TICAM2: variants seen among roughly 807,000 people sequenced by gnomAD.
TICAM2 encodes TIR domain containing adaptor molecule 2.
Under a neutral mutation model 7.3 loss-of-function variants are expected in TICAM2, and 8 were observed. The ratio of observed to expected loss-of-function variants is 1.10; its 90% confidence interval spans 0.65 to 1.99. The LOEUF (loss-of-function observed/expected upper bound fraction) is 1.99. Among genes scored for constraint, TICAM2 ranks in the 30% most tolerant of loss-of-function variants. The probability of loss-of-function intolerance (pLI) is 0.00; values close to 1 mark genes in which losing one functional copy is unlikely to be tolerated. For missense variants in TICAM2, 304 were observed against 278.8 expected (o/e 1.09, Z -0.65); for synonymous variants, 113 against 99.6 (o/e 1.13, Z -0.80).
intron 1 of TICAM2, among the ~76,000 whole-genome samples, chr5:115,588,730 T>A (rs967692241): frequency 4.6e-5 from 7 of 152,224 alleles, no homozygotes; most frequent in African/African-American, 1.7e-4. Flanking sequence ...CAGCATCAGA[T>A]GTACTTACAC....
intron 1 of TICAM2, among the ~76,000 whole-genome samples, chr5:115,589,829 G>A (rs1646735410): frequency 6.6e-6 from 1 of 152,160 alleles, no homozygotes; most frequent in South Asian, 2.1e-4. Context: ...TATCCCCAGA[G>A]CCTAGCATAT....
At chr5:115,601,815 C>T (rs1032033688) in intron 1 of TICAM2, among the ~76,000 whole-genome samples, 1 of 152,184 alleles carries the variant, frequency 6.6e-6, no homozygotes, top group Non-Finnish European at 1.5e-5. Context: ...GGGCTATTTG[C>T]TTATGGTTCT....
Position 115,580,311 on chromosome 5 carries a change from A to T in TICAM2, c.*238T>A. On this transcript the variant is annotated 3_prime_UTR_variant, in exon 2 of 2. Transcript: ENST00000427199. ...AATTCCTTTTTCATATCCATGAACT[A>T]GGAAAATTGTGAAAGAAAAGTCCTT... The T allele has an allele frequency of 2.1e-6, 1 of 465,718 alleles. No individual in the cohort carries two copies. The highest frequency in any genetic ancestry group is 3.5e-6 in the Non-Finnish European group (1 of 289,004). 28.8% of individuals were successfully genotyped at this position (465,718 alleles called of 1,614,324 possible). A position where few individuals can be genotyped will look rare whatever the true frequency, so the allele number is the denominator to read the frequency against.
chr5:115,590,333 A>G (rs1478631517), intron 1 of TICAM2, among the ~76,000 whole-genome samples: 2 of 152,216 alleles, frequency 1.3e-5, no homozygotes, highest in Non-Finnish European at 2.9e-5. Flanking sequence ...TTACGTGAAT[A>G]TAAATATGAC....
chr5:115,597,779 C>A (rs544380461), intron 1 of TICAM2, among the ~76,000 whole-genome samples: 1 of 152,254 alleles, frequency 6.6e-6, no homozygotes, highest in African/African-American at 2.4e-5. Context: ...GCAGAGCCTG[C>A]GTATACAAAA....
chr5:115,580,950 C>A lies in TICAM2; in HGVS notation c.307G>T (p.Asp103Tyr). ...ATTATTCCGGGTTTGATACCAAAGTCATCTTGTAGCAGATTCTGGACTCTG... is the reference window on the plus strand; with the variant it reads ...ATTATTCCGGGTTTGATACCAAAGTAATCTTGTAGCAGATTCTGGACTCTG... The part of the protein sequence containing the change: ...ALRVQNLLQD[D>Y]FGIKPGIIFA... The change falls in exon 2 of 2, where the codon GAC (aspartate) becomes TAC (tyrosine). Residue 103 changes from aspartate (D) to tyrosine (Y), a missense_variant. By Grantham distance (160) the Asp-to-Tyr change is radical. Transcript: ENST00000427199. 6.2e-7 allele frequency: 1 copy of A among 1,613,306 alleles called. No individual in the cohort carries two copies. Among genetic ancestry groups the A allele is most frequent in the Non-Finnish European group, 8.5e-7 (1 of 1,179,492 alleles).
Position 115,579,557 on chromosome 5 carries a change from C to T in TICAM2, c.*992G>A, listed in dbSNP as rs548832126. On this transcript the variant is annotated 3_prime_UTR_variant, in exon 2 of 2. Transcript: ENST00000427199. ...AGGAAAGAAACAATCCTGTTTGGGG[C>T]CTCTCTGGCTTGTTAGGAGCATGGG... 6 of 152,280 alleles carry T rather than the reference C, an allele frequency of 3.9e-5. No homozygotes were observed. Among genetic ancestry groups the T allele is most frequent in the African/African-American group, 1.2e-4 (5 of 41,544 alleles). The allele number at this position is 152,280 out of a possible 1,614,324, so 9.4% of individuals were successfully genotyped here.
rs1561572126 is a variant in TICAM2 at position 115,580,691 on chromosome 5, AG to A, written c.565del (p.Leu189SerfsTer7). The A allele has an allele frequency of 6.3e-7, 1 of 1,592,810 alleles. No individual in the cohort carries two copies. The highest frequency in any genetic ancestry group is 8.5e-7 in the Non-Finnish European group (1 of 1,172,428). ...TTCCTCTAAGGCATTGATGGTTTGG[AG>A]GGCAAAGGGAGTCCTTTCTCGGGGA... is the stretch of plus-strand genomic sequence containing the variant. ...PLPRERTPFA[L>X]QTINALEEES... On this transcript the variant is annotated frameshift_variant, in exon 2 of 2. Coordinates refer to ENST00000427199, the MANE Select transcript of TICAM2 (RefSeq NM_021649.7). LOFTEE classifies it low-confidence loss of function (END_TRUNC).
intron 1 of TICAM2, among the ~76,000 whole-genome samples, chr5:115,593,754 T>C (rs775816100): frequency 1.2e-4 from 18 of 152,198 alleles, no homozygotes; most frequent in Non-Finnish European, 2.4e-4. Context: ...ACTTGTTCTA[T>C]TGGGCATCAA....
In TICAM2 at chr5:115,581,118, C is replaced by T; in HGVS notation, c.139G>A (p.Glu47Lys). The T allele has an allele frequency of 6.2e-7, 1 of 1,614,140 alleles. No homozygotes were observed. The highest frequency in any genetic ancestry group is 8.5e-7 in the Non-Finnish European group (1 of 1,180,026). The change falls in exon 2 of 2, where the codon GAG (glutamate) becomes AAG (lysine). Residue 47 changes from glutamate to lysine, a missense_variant. Transcript: ENST00000427199. ...GGCCCCTCTGTTGTATTGCTGTGCT[C>T]AGCAACATTACACAAGGATAGATCT... is the stretch of plus-strand genomic sequence containing the variant. Reference protein sequence around the residue: ...SEDLSLCNVAEHSNTTEGPTG... With the variant: ...SEDLSLCNVAKHSNTTEGPTG...
intron 1 of TICAM2, among the ~76,000 whole-genome samples, chr5:115,593,056 T>A (rs933107447): frequency 1.1e-4 from 17 of 152,132 alleles, no homozygotes; most frequent in African/African-American, 4.1e-4. Context: ...GGCAAGAGAA[T>A]TGCTTGAACC....
intron 1 of TICAM2, among the ~76,000 whole-genome samples, chr5:115,598,030 C>T (rs527980282): frequency 6.6e-6 from 1 of 152,082 alleles, no homozygotes; most frequent in South Asian, 2.1e-4. Flanking sequence ...GTGTTCTTCA[C>T]ATGTACACAT....
chr5:115,584,873 C>A (rs1039556071), intron 1 of TICAM2, among the ~76,000 whole-genome samples: 2 of 151,810 alleles, frequency 1.3e-5, no homozygotes, highest in Non-Finnish European at 2.9e-5. Flanking sequence ...CAAAAGAGGA[C>A]CCCAGTAGAA....
intron 1 of TICAM2, among the ~76,000 whole-genome samples, chr5:115,600,316 A>C (rs930476139): frequency 6.6e-6 from 1 of 152,236 alleles, no homozygotes; most frequent in Non-Finnish European, 1.5e-5. Flanking sequence ...ACAGCTGGAC[A>C]TACACATACA....
rs141714212 is a variant in TICAM2, at chr5:115,583,378, C to T, written c.-59-2063G>A. On this transcript the variant is annotated intron_variant, in intron 1 of 1. Coordinates refer to ENST00000427199, the MANE Select transcript of TICAM2 (RefSeq NM_021649.7). Reference sequence around the variant, plus strand: ...AAACTTCTAGGGTAAGATAGTGTGTCAAGGCAGATCACAAAATCTTTTAAA... The same window carrying T: ...AAACTTCTAGGGTAAGATAGTGTGTTAAGGCAGATCACAAAATCTTTTAAA... Among the ~76,000 whole-genome samples, 639 of 152,242 alleles carry T rather than the reference C, an allele frequency of 4.2e-3. 8 individuals are homozygous for T. Among genetic ancestry groups the T allele is most frequent in the African/African-American group, 0.014 (596 of 41,526 alleles).
At chr5:115,588,853 C>T (rs1043345643) in intron 1 of TICAM2, among the ~76,000 whole-genome samples, 3 of 152,172 alleles carry the variant, frequency 2.0e-5, no homozygotes, top group African/African-American at 7.2e-5. Flanking sequence ...TGGCAGGAGG[C>T]TTCTGAGTAT....
Position 115,578,501 on chromosome 5 carries a change from A to G in TICAM2, c.*2048T>C, listed in dbSNP as rs2127188004. Reference sequence around the variant, plus strand: ...GCGTGAGCCACCGCGCCCGGCCAACATTTTTCTTTATCATAAAAAAAATAT... The same window carrying G: ...GCGTGAGCCACCGCGCCCGGCCAACGTTTTTCTTTATCATAAAAAAAATAT... On this transcript the variant is annotated 3_prime_UTR_variant, in exon 2 of 2. Coordinates refer to ENST00000427199, the MANE Select transcript of TICAM2 (RefSeq NM_021649.7). The G allele has an allele frequency of 6.6e-6, 1 of 151,856 alleles. No homozygotes were observed. The highest frequency in any genetic ancestry group is 2.1e-4 in the South Asian group (1 of 4,800). 9.4% of individuals were successfully genotyped at this position (151,856 alleles called of 1,614,324 possible).
chr5:115,590,770 T>G (rs1755272207), intron 1 of TICAM2, among the ~76,000 whole-genome samples: 1 of 152,202 alleles, frequency 6.6e-6, no homozygotes, highest in Admixed American at 6.5e-5. Context: ...TTCTTTCTAT[T>G]CCAAAGATAT....
In TICAM2 at chr5:115,579,333, C is replaced by A. The variant is rs973380135; in HGVS notation, c.*1216G>T. The A allele has an allele frequency of 1.3e-5, 2 of 152,564 alleles. No individual in the cohort carries two copies. Among genetic ancestry groups the A allele is most frequent in the Non-Finnish European group, 2.9e-5 (2 of 68,042 alleles). The allele number at this position is 152,564 out of a possible 1,614,324, so 9.5% of individuals were successfully genotyped here. A position where few individuals can be genotyped will look rare whatever the true frequency, so the allele number is the denominator to read the frequency against. On this transcript the variant is annotated 3_prime_UTR_variant, in exon 2 of 2. Transcript: ENST00000427199. ...CCTTTAGAGATCCATCAATTCAACC[C>A]TTTCATTTCACAGATAAAGGAGGGT... is the stretch of plus-strand genomic sequence containing the variant.
Sources: gnomAD v4.1 joint callset for allele counts (sites outside exome capture counted in the v4.1 genomes callset) on GRCh38, gnomAD v4.1.1 for gene constraint, MANE v1.5 for transcripts, NCBI Gene and HGNC (gene_info 2026-07-23, HGNC 2026-07-21) for gene names.